SLC35D2: variants seen among roughly 807,000 people sequenced by gnomAD.
The protein encoded by SLC35D2 is nucleotide sugar transporter SLC35D2.
SLC35D2 carries 43 observed loss-of-function variants against 41.8 expected under a neutral mutation model. The observed-to-expected ratio is 1.03, with a 90% confidence interval of 0.81 to 1.33. The LOEUF (loss-of-function observed/expected upper bound fraction) is 1.33, where lower values mean the gene tolerates loss of function less well. Ranked by LOEUF, SLC35D2 falls within the 40% of genes most tolerant of loss-of-function variation. SLC35D2 has a pLI of 0.00. For missense variants in SLC35D2, 380 were observed against 408.4 expected (o/e 0.93, Z 0.60); for synonymous variants, 150 against 163.9 (o/e 0.92, Z 0.65).
chr9:96,340,318 T>G (rs1012751833), intron 8 of SLC35D2, among the ~76,000 whole-genome samples: 22 of 152,050 alleles, frequency 1.4e-4, no homozygotes, highest in African/African-American at 4.6e-4. Context: ...TACAATACTT[T>G]TAAAAACTAG....
At chr9:96,329,506 G>C (rs1156731142) in intron 9 of SLC35D2, among the ~76,000 whole-genome samples, 1 of 152,130 alleles carries the variant, frequency 6.6e-6, no homozygotes, top group Non-Finnish European at 1.5e-5. Context: ...GGGGCTACAG[G>C]CATGAGCCAC....
downstream of SLC35D2, among the ~76,000 whole-genome samples, chr9:96,318,123 A>AG (rs1828102904): frequency 3.0e-5 from 1 of 33,186 alleles, no homozygotes; most frequent in Admixed American, 3.3e-4. Context: ...GTAGACACAG[A>AG]TCTTGCCATA....
At chr9:96,350,896 C>A in intron 6 of SLC35D2, 1 of 485,114 alleles carries the variant, frequency 2.1e-6, no homozygotes, top group Non-Finnish European at 3.7e-6. Flanking sequence ...ATGCTCTCTT[C>A]ATATATTCTC....
At chr9:96,362,415 G>A (rs972441105) in intron 3 of SLC35D2, among the ~76,000 whole-genome samples, 1 of 152,082 alleles carries the variant, frequency 6.6e-6, no homozygotes, top group Non-Finnish European at 1.5e-5. Flanking sequence ...GCTGAGGCAA[G>A]AGAATCACTT....
intron 4 of SLC35D2, among the ~76,000 whole-genome samples, chr9:96,353,730 C>T (rs1375588121): frequency 6.6e-6 from 1 of 152,174 alleles, no homozygotes; most frequent in Admixed American, 6.5e-5. Flanking sequence ...GGCTAAACTG[C>T]CTTAAAATAT....
intron 4 of SLC35D2, among the ~76,000 whole-genome samples, chr9:96,358,080 T>TTTTA (rs990002916): frequency 9.0e-5 from 11 of 122,712 alleles, no homozygotes; most frequent in Non-Finnish European, 1.4e-4. Flanking sequence ...ATTATATATT[T>TTTTA]TATATATATA....
chr9:96,334,652 T>G (rs1456349303), intron 9 of SLC35D2, among the ~76,000 whole-genome samples: 1 of 152,018 alleles, frequency 6.6e-6, no homozygotes, highest in African/African-American at 2.4e-5. Flanking sequence ...AAAAAAATTT[T>G]TTTTAAGCAA....
At chr9:96,343,800 G>T in intron 8 of SLC35D2, 104 bp downstream of exon 8, 1 of 665,528 alleles carries the variant, frequency 1.5e-6, no homozygotes, top group Non-Finnish European at 2.5e-6. Flanking sequence ...CCTCCTGGTA[G>T]TCCTAGCTAA....
intron 9 of SLC35D2, among the ~76,000 whole-genome samples, chr9:96,325,086 T>A (rs1165232999): frequency 2.0e-5 from 3 of 152,190 alleles, no homozygotes; most frequent in Non-Finnish European, 4.4e-5. Flanking sequence ...CTGTAACTGT[T>A]ACCAAAGTTA....
chr9:96,359,328 A>T (rs1830170438), intron 4 of SLC35D2, among the ~76,000 whole-genome samples: 1 of 151,944 alleles, frequency 6.6e-6, no homozygotes, highest in Non-Finnish European at 1.5e-5. Context: ...AAAAATCATT[A>T]ACAGTGAAAC....
At chr9:96,333,655 G>A (rs536545404) in intron 9 of SLC35D2, among the ~76,000 whole-genome samples, 1 of 151,648 alleles carries the variant, frequency 6.6e-6, no homozygotes, top group East Asian at 1.9e-4. Flanking sequence ...AGCCTGTCAT[G>A]GGCAAGCCCT....
At chr9:96,354,927 G>A (rs1829957420) in intron 4 of SLC35D2, among the ~76,000 whole-genome samples, 1 of 151,742 alleles carries the variant, frequency 6.6e-6, no homozygotes, top group African/African-American at 2.4e-5. Flanking sequence ...ACCAGGTGCA[G>A]TGGTTCATGC....
chr9:96,373,136 G>A (rs563342437), intron 1 of SLC35D2, among the ~76,000 whole-genome samples: 27 of 152,082 alleles, frequency 1.8e-4, no homozygotes, highest in Admixed American at 4.6e-4. Flanking sequence ...CTGACCTCAG[G>A]TGATCCACCC....
intron 9 of SLC35D2, among the ~76,000 whole-genome samples, chr9:96,329,195 A>G (rs1318547288): frequency 6.6e-5 from 10 of 151,906 alleles, no homozygotes; most frequent in Admixed American, 6.6e-4. Flanking sequence ...ACACATATAC[A>G]TATATACTTT....
chr9:96,334,167 A>C (rs1828945013), intron 9 of SLC35D2, among the ~76,000 whole-genome samples: 1 of 152,060 alleles, frequency 6.6e-6, no homozygotes, highest in African/African-American at 2.4e-5. Context: ...AATGGGGAGG[A>C]AGTTTGGCTT....
exon 12 of SLC35D2, chr9:96,314,044 T>A: frequency 6.5e-6 from 1 of 152,750 alleles, no homozygotes; most frequent in Non-Finnish European, 1.5e-5. Context: ...GGCAGGAGGA[T>A]CACTTGAGGC....
chr9:96,329,794 A>G (rs529410006), intron 9 of SLC35D2, among the ~76,000 whole-genome samples: 48 of 152,370 alleles, frequency 3.2e-4, no homozygotes, highest in Non-Finnish European at 5.7e-4. Context: ...TTAGGAATAC[A>G]GTAAGAAGGA....
intron 9 of SLC35D2, among the ~76,000 whole-genome samples, chr9:96,333,904 C>T (rs916471442): frequency 1.3e-5 from 2 of 152,108 alleles, no homozygotes; most frequent in East Asian, 1.9e-4. Context: ...AGGTGCTAGT[C>T]TAAGTTTGTG....
chr9:96,383,266 C>T (rs551994010), intron 1 of SLC35D2, among the ~76,000 whole-genome samples: 498 of 152,254 alleles, frequency 3.3e-3, no homozygotes, highest in Non-Finnish European at 5.9e-3. Context: ...GGCAGGCGCG[C>T]TCAGGAAGAG....
Sources: gnomAD v4.1 joint callset for allele counts (sites outside exome capture counted in the v4.1 genomes callset) on GRCh38, gnomAD v4.1.1 for gene constraint, MANE v1.5 for transcripts, NCBI Gene and HGNC (gene_info 2026-07-23, HGNC 2026-07-21) for gene names.